The following RUBCN variants were observed in gnomAD, a reference collection of about 807,000 sequenced individuals.
RUBCN encodes the protein rubicon autophagy regulator, also known as run domain Beclin-1-interacting and cysteine-rich domain-containing protein.
A neutral mutation model predicts 113.2 loss-of-function variants in RUBCN; 74 were observed. The observed-to-expected ratio is 0.65, with a 90% CI of 0.54 to 0.79. The LOEUF is 0.79. Among genes scored for constraint, RUBCN ranks in the 30% least tolerant of loss-of-function variants. The probability of loss-of-function intolerance (pLI) is 0.00; values close to 1 mark genes in which losing one functional copy is unlikely to be tolerated. For missense variants in RUBCN, 1,109 were observed against 1,251.7 expected (o/e 0.89, Z 1.72); for synonymous variants, 480 against 490.0 (o/e 0.98, Z 0.27).
chr3:197,691,228 G>T, intron 11 of RUBCN: 1 of 789,142 alleles, frequency 1.3e-6, no homozygotes, highest in Non-Finnish European at 1.9e-6. Flanking sequence ...TATGTTCCTG[G>T]AATCAAAACT....
At chr3:197,710,548 T>C (rs1451810571) in intron 2 of RUBCN, among the ~76,000 whole-genome samples, 1 of 148,866 alleles carries the variant, frequency 6.7e-6, no homozygotes, top group African/African-American at 2.5e-5. Context: ...TGCGGTGAGC[T>C]GGGATTGTGC....
rs1231146808 is a variant in RUBCN, at chr3:197,744,689, AAC to A, written c.-116+4578_-116+4579del. ...AAAAAGAAAAGGCATACAAATAAAA[AAC>A]AGTTATGCTATGTGAAATAATCCAG... On this transcript the variant is annotated intron_variant, in intron 1 of 20. Coordinates refer to the RUBCN transcript ENST00000273582. Among the ~76,000 whole-genome samples, 5 of 152,304 alleles carry A rather than the reference AAC, an allele frequency of 3.3e-5. No homozygotes were observed. In the East Asian group the frequency reaches 5.8e-4, roughly 18 times the overall value.
rs1162135921 is a variant in RUBCN at position 197,681,351 on chromosome 3, C to T, written c.2208G>A (p.Leu736=). 2 of 1,612,502 alleles carry T rather than the reference C, an allele frequency of 1.2e-6. No individual in the cohort carries two copies. Among genetic ancestry groups the T allele is most frequent in the Non-Finnish European group, 1.7e-6 (2 of 1,178,490 alleles). The change falls in exon 16 of 20, where the codon CTG becomes CTA. Residue 736 remains leucine, a synonymous_variant. Coordinates refer to ENST00000296343, the MANE Select transcript of RUBCN (RefSeq NM_014687.4). This position sits in a 1 kb window ranked among gnomAD's most constrained non-coding sequence, Gnocchi z 5.5. ...ACTTGCCCAGGTACTCACAGTACCGCAGTCGCTTGATGTAATCTGGAAAAA... is the reference window on the plus strand; with the variant it reads ...ACTTGCCCAGGTACTCACAGTACCGTAGTCGCTTGATGTAATCTGGAAAAA... ...IRTDPDYIKR[L]RYCEYLGKYF...
In RUBCN at chr3:197,669,267, G is replaced by GT. The variant is rs1302212310; in HGVS notation, c.*5750dup. 1.2e-4 allele frequency among the ~76,000 whole-genome samples: 18 copies of GT among 152,178 alleles called. No homozygotes were observed. Among genetic ancestry groups the GT allele is most frequent in the Non-Finnish European group, 2.5e-4 (17 of 68,024 alleles). On this transcript the variant is annotated 3_prime_UTR_variant, in exon 20 of 20. Transcript: ENST00000296343. ...TCCAAATTGTATTCAGATTTTGCCA[G>GT]TTTTTTCACTAATATCCTTTCTCCA...
chr3:197,686,285 C>T (rs547578628), intron 11 of RUBCN, among the ~76,000 whole-genome samples: 4 of 152,038 alleles, frequency 2.6e-5, no homozygotes, highest in African/African-American at 9.7e-5. Flanking sequence ...ATCATTCTCT[C>T]TTCAGAAAAT....
intron 11 of RUBCN, among the ~76,000 whole-genome samples, chr3:197,684,854 C>G (rs746208188): frequency 1.3e-5 from 2 of 152,000 alleles, no homozygotes; most frequent in African/African-American, 2.4e-5. Context: ...AATATTTCAC[C>G]ACTGTTGCCA....
At chr3:197,690,127 A>T (rs1722263888) in intron 11 of RUBCN, among the ~76,000 whole-genome samples, 1 of 152,228 alleles carries the variant, frequency 6.6e-6, no homozygotes, top group African/African-American at 2.4e-5. Flanking sequence ...CTAATGCCCA[A>T]CAATATTAAA....
intron 11 of RUBCN, chr3:197,691,134 A>G (rs1310824830): frequency 2.3e-6 from 3 of 1,286,676 alleles, no homozygotes; most frequent in Non-Finnish European, 3.0e-6. Context: ...GTCAGGTTAG[A>G]TCCTTCGCTA....
intron 2 of RUBCN, among the ~76,000 whole-genome samples, chr3:197,716,196 C>T (rs1210843447): frequency 6.6e-6 from 1 of 152,206 alleles, no homozygotes; most frequent in African/African-American, 2.4e-5. Flanking sequence ...GGCACGGTCT[C>T]AGCTCACTGC....
intron 1 of RUBCN, among the ~76,000 whole-genome samples, chr3:197,745,312 G>C (rs1405209857): frequency 6.9e-6 from 1 of 145,974 alleles, no homozygotes; most frequent in Non-Finnish European, 1.5e-5. Flanking sequence ...GAAAAGAAAA[G>C]GGGGATTTAA....
intron 2 of RUBCN, among the ~76,000 whole-genome samples, chr3:197,709,902 C>T (rs866844442): frequency 1.3e-5 from 2 of 151,848 alleles, no homozygotes; most frequent in African/African-American, 4.8e-5. Context: ...GGTGTGGTGG[C>T]GCACACCCGT....
chr3:197,674,495 C>A lies in RUBCN; in HGVS notation c.*523G>T. The A allele has an allele frequency of 2.0e-6, 1 of 492,104 alleles. No homozygotes were observed. Among genetic ancestry groups the A allele is most frequent in the Non-Finnish European group, 4.2e-6 (1 of 239,348 alleles). The allele number at this position is 492,104 out of a possible 1,614,324, so 30.5% of individuals were successfully genotyped here. On this transcript the variant is annotated 3_prime_UTR_variant, in exon 20 of 20. Coordinates refer to ENST00000296343, the MANE Select transcript of RUBCN (RefSeq NM_014687.4). ...TACCCAAATAAGTGGACGAAATGCCCATGACGTAGTCCTATTCTCTGCTGC... is the reference window on the plus strand; with the variant it reads ...TACCCAAATAAGTGGACGAAATGCCAATGACGTAGTCCTATTCTCTGCTGC...
upstream of RUBCN, among the ~76,000 whole-genome samples, chr3:197,741,878 G>A (rs1212390747): frequency 7.9e-5 from 12 of 151,266 alleles, no homozygotes; most frequent in South Asian, 2.1e-4. Flanking sequence ...TGCCAGCCAC[G>A]AACGGTGGAT....
At chr3:197,710,558 C>T (rs1724844840) in intron 2 of RUBCN, among the ~76,000 whole-genome samples, 1 of 151,296 alleles carries the variant, frequency 6.6e-6, no homozygotes, top group Non-Finnish European at 1.5e-5. Flanking sequence ...TGGGATTGTG[C>T]CATTGCACTC....
At chr3:197,728,964 T>C (rs1173246019) in intron 1 of RUBCN, among the ~76,000 whole-genome samples, 1 of 151,986 alleles carries the variant, frequency 6.6e-6, no homozygotes, top group Non-Finnish European at 1.5e-5. Flanking sequence ...CTTCATTAAG[T>C]ACTAACAGAA....
intron 10 of RUBCN, 79 bp downstream of exon 10, chr3:197,694,296 G>T: frequency 8.3e-7 from 1 of 1,202,888 alleles, no homozygotes; most frequent in South Asian, 1.2e-5. Context: ...GACAGCAGAG[G>T]AACCACTGGT....
At chr3:197,739,477 A>G (rs1728421992), upstream of RUBCN, among the ~76,000 whole-genome samples, 1 of 150,250 alleles carries the variant, frequency 6.7e-6, no homozygotes, top group African/African-American at 2.5e-5. Context: ...GCAGATCACG[A>G]GGTCAGGAGA....
chr3:197,714,452 C>CT (rs769638441), intron 2 of RUBCN, among the ~76,000 whole-genome samples: 1 of 152,150 alleles, frequency 6.6e-6, no homozygotes. Flanking sequence ...TCCGGAGTAG[C>CT]TGAGTCTACA....
At chr3:197,704,831 T>G (rs755052672) in intron 3 of RUBCN, 130 bp from the exon 4 acceptor site, 5 of 1,079,970 alleles carry the variant, frequency 4.6e-6, no homozygotes, top group Non-Finnish European at 7.0e-6. Context: ...CTGGGTCCCA[T>G]GTAGGCAGGC....
Sources: allele counts gnomAD v4.1 joint callset (sites outside exome capture counted in the v4.1 genomes callset), GRCh38; gene constraint gnomAD v4.1.1; non-coding constraint Gnocchi (gnomAD v3.1); transcripts MANE v1.5; gene names NCBI Gene and HGNC (gene_info 2026-07-23, HGNC 2026-07-21).